The following ANGPT1 variants were observed in gnomAD, a reference collection of about 807,000 sequenced individuals.
ANGPT1 encodes the protein angiopoietin 1, also known as angiopoietin-1.
A neutral mutation model predicts 62.2 loss-of-function variants in ANGPT1; 17 were observed. That is an observed-to-expected ratio of 0.27 (90% confidence interval 0.19 to 0.41). The LOEUF (loss-of-function observed/expected upper bound fraction) is 0.41, where lower values mean the gene tolerates loss of function less well. Among genes scored for constraint, ANGPT1 ranks in the 10% least tolerant of loss-of-function variants. The pLI is 1.00. For synonymous variants in ANGPT1, 199 were observed against 198.9 expected (o/e 1.00, Z 0.00); for missense variants, 478 against 594.9 (o/e 0.80, Z 2.04).
intron 1 of ANGPT1, among the ~76,000 whole-genome samples, chr8:107,435,341 T>C (rs1254664198): frequency 6.6e-6 from 1 of 152,252 alleles, no homozygotes; most frequent in Admixed American, 6.5e-5. Flanking sequence ...CAGTAAATCT[T>C]GCAGTCATTT....
intron 8 of ANGPT1, among the ~76,000 whole-genome samples, chr8:107,257,684 T>C (rs1463589335): frequency 6.6e-6 from 1 of 152,118 alleles, no homozygotes; most frequent in African/African-American, 2.4e-5. Context: ...ACTAAATTGA[T>C]TGGTGCCATC....
intron 1 of ANGPT1, among the ~76,000 whole-genome samples, chr8:107,359,651 G>T (rs906072710): frequency 6.6e-6 from 1 of 152,010 alleles, no homozygotes; most frequent in African/African-American, 2.4e-5. Context: ...GCTTTCCATG[G>T]CTTACAAACA....
chr8:107,347,848 T>C (rs181209479), intron 1 of ANGPT1, among the ~76,000 whole-genome samples: 8 of 152,322 alleles, frequency 5.3e-5, no homozygotes, highest in Non-Finnish European at 2.9e-5. Flanking sequence ...TAGTCCTTTA[T>C]GGTGCCATCT....
At chr8:107,474,131 C>CA (rs1254370433) in intron 1 of ANGPT1, among the ~76,000 whole-genome samples, 1 of 151,766 alleles carries the variant, frequency 6.6e-6, no homozygotes, top group Non-Finnish European at 1.5e-5. Context: ...AGAGACACAA[C>CA]AAAAAAAGAG....
chr8:107,469,445 C>T (rs1812288634), intron 1 of ANGPT1, among the ~76,000 whole-genome samples: 1 of 151,898 alleles, frequency 6.6e-6, no homozygotes, highest in Admixed American at 6.6e-5. Flanking sequence ...ACACATGATA[C>T]CACTCAATAA....
intron 1 of ANGPT1, among the ~76,000 whole-genome samples, chr8:107,382,576 A>ATGGC (rs1463937756): frequency 6.6e-6 from 1 of 152,102 alleles, no homozygotes; most frequent in East Asian, 1.9e-4. Flanking sequence ...CCCATTTTCC[A>ATGGC]TGGCATAAAT....
At chr8:107,424,973 C>T (rs1305376651) in intron 1 of ANGPT1, among the ~76,000 whole-genome samples, 1 of 152,186 alleles carries the variant, frequency 6.6e-6, no homozygotes, top group East Asian at 1.9e-4. Flanking sequence ...CTCCCGGGTT[C>T]AAGTGATTCT....
intron 1 of ANGPT1, among the ~76,000 whole-genome samples, chr8:107,488,234 C>A (rs1812865253): frequency 6.6e-6 from 1 of 152,166 alleles, no homozygotes; most frequent in African/African-American, 2.4e-5. Context: ...CTTACAACAG[C>A]TTGGCAACAA....
intron 1 of ANGPT1, among the ~76,000 whole-genome samples, chr8:107,488,552 T>C (rs577833886): frequency 6.6e-6 from 1 of 152,338 alleles, no homozygotes; most frequent in African/African-American, 2.4e-5. Context: ...AGTTCATTGA[T>C]TCAAAAATAT....
intron 4 of ANGPT1, among the ~76,000 whole-genome samples, chr8:107,311,977 T>C (rs1465841625): frequency 6.8e-6 from 1 of 147,398 alleles, no homozygotes; most frequent in Non-Finnish European, 1.5e-5. Context: ...GGCAGGAGAA[T>C]GGAGTGAACC....
intron 8 of ANGPT1, among the ~76,000 whole-genome samples, chr8:107,257,177 G>C (rs934525928): frequency 3.3e-5 from 5 of 152,094 alleles, no homozygotes; most frequent in Admixed American, 6.6e-5. Flanking sequence ...TCTTAAGGTT[G>C]GCAACTGCTG....
intron 1 of ANGPT1, among the ~76,000 whole-genome samples, chr8:107,461,737 C>T (rs1037474655): frequency 2.0e-5 from 3 of 152,034 alleles, no homozygotes; most frequent in African/African-American, 7.2e-5. Context: ...ATGCTAATTA[C>T]ATTTTGCTTG....
chr8:107,419,930 C>T (rs775681972), intron 1 of ANGPT1, among the ~76,000 whole-genome samples: 27 of 152,162 alleles, frequency 1.8e-4, no homozygotes, highest in Admixed American at 1.2e-3. Flanking sequence ...GCTTTACATT[C>T]GTGACTTAAT....
At chr8:107,396,472 C>T (rs1816936078) in intron 1 of ANGPT1, among the ~76,000 whole-genome samples, 1 of 151,284 alleles carries the variant, frequency 6.6e-6, no homozygotes, top group African/African-American at 2.4e-5. Flanking sequence ...TAACTAAAAC[C>T]CGTCCTTTTT....
intron 7 of ANGPT1, among the ~76,000 whole-genome samples, chr8:107,281,629 T>C (rs1461822850): frequency 6.6e-6 from 1 of 151,942 alleles, no homozygotes; most frequent in Non-Finnish European, 1.5e-5. Flanking sequence ...ATACAAAAAA[T>C]TAGCCAGGCA....
chr8:107,304,665 A>G (rs1012049193), intron 4 of ANGPT1, among the ~76,000 whole-genome samples: 6 of 151,904 alleles, frequency 3.9e-5, no homozygotes, highest in Admixed American at 3.9e-4. Flanking sequence ...AATAATTACT[A>G]TTTCAATATA....
chr8:107,448,549 T>C (rs895960517), intron 1 of ANGPT1, among the ~76,000 whole-genome samples: 1 of 152,090 alleles, frequency 6.6e-6, no homozygotes, highest in East Asian at 1.9e-4. Context: ...TGTATGTTTT[T>C]GAGGAGGATG....
chr8:107,492,512 T>C (rs1812987201), intron 1 of ANGPT1, among the ~76,000 whole-genome samples: 1 of 152,136 alleles, frequency 6.6e-6, no homozygotes, highest in South Asian at 2.1e-4. Flanking sequence ...AGTTTTTGTA[T>C]TTTTAGTAGA....
intron 1 of ANGPT1, among the ~76,000 whole-genome samples, chr8:107,460,810 G>T (rs932932897): frequency 2.0e-5 from 3 of 152,248 alleles, no homozygotes; most frequent in East Asian, 3.9e-4. Context: ...CAGACATAAT[G>T]CTTCACAAGA....
Sources: allele counts gnomAD v4.1 joint callset (sites outside exome capture counted in the v4.1 genomes callset), GRCh38; gene constraint gnomAD v4.1.1; transcripts MANE v1.5; gene names NCBI Gene and HGNC (gene_info 2026-07-23, HGNC 2026-07-21).